The following PACRGL variants were observed in gnomAD, a reference collection of about 807,000 sequenced individuals.
PACRGL encodes the protein parkin coregulated like.
In PACRGL, 38 loss-of-function variants were observed where a neutral mutation model predicts 34.5. The observed-to-expected ratio is 1.10, with a 90% CI of 0.85 to 1.44. The LOEUF is 1.44. PACRGL is among the 40% of genes most tolerant of loss of function. The pLI is 0.00. For synonymous variants in PACRGL, 128 were observed against 100.1 expected (o/e 1.28, Z -1.66); for missense variants, 305 against 281.4 (o/e 1.08, Z -0.60).
intron 7 of PACRGL, among the ~76,000 whole-genome samples, chr4:20,720,033 AT>A: frequency 6.6e-6 from 1 of 152,258 alleles, no homozygotes; most frequent in Non-Finnish European, 1.5e-5. Context: ...GTGCATATAT[AT>A]TTAGGATAGT....
At chr4:20,757,912 C>A in the PACRGL span, among the ~76,000 whole-genome samples, 1 of 152,160 alleles carries the variant, frequency 6.6e-6, no homozygotes, top group Non-Finnish European at 1.5e-5. Flanking sequence ...CCTCTCTGTC[C>A]TGCAGCTAAT....
chr4:20,709,932 A>G, intron 5 of PACRGL, 159 bp downstream of exon 5: 1 of 560,600 alleles, frequency 1.8e-6, no homozygotes, highest in Non-Finnish European at 3.2e-6. Context: ...ATGAATTATG[A>G]TTCTTATATA....
At position 20,728,329 on chromosome 4, in the gene PACRGL, C is replaced by CAATT. The variant is rs1324111633; in HGVS notation, c.*991_*994dup. The stretch of plus-strand genomic sequence containing the variant: ...CTGATGTTCACTTAAAGATATTCAG[C>CAATT]AATTAAAATGTTAAAACTTGTACAT... On this transcript the variant is annotated 3_prime_UTR_variant, in exon 9 of 9. Transcript: ENST00000503585. 6.6e-6 allele frequency: 1 copy of CAATT among 152,114 alleles called. No homozygotes were observed. The highest frequency in any genetic ancestry group is 1.5e-5 in the Non-Finnish European group (1 of 68,022). The allele number at this position is 152,114 out of a possible 1,614,324, so 9.4% of individuals were successfully genotyped here. A position where few individuals can be genotyped will look rare whatever the true frequency, so the allele number is the denominator to read the frequency against.
downstream of PACRGL, chr4:20,752,980 T>A (rs999382916): frequency 6.6e-6 from 1 of 152,252 alleles, no homozygotes; most frequent in South Asian, 2.1e-4. Context: ...TCTCCGTCTA[T>A]GACCTCTTCG....
intron 8 of PACRGL, among the ~76,000 whole-genome samples, chr4:20,749,172 AT>A (rs1361803344): frequency 4.1e-5 from 6 of 147,072 alleles, no homozygotes; most frequent in African/African-American, 7.5e-5. Context: ...AAAAAAAAAA[AT>A]ACGTTCTCTA....
In PACRGL at chr4:20,700,458, A is replaced by G. The variant is rs1234831837; in HGVS notation, c.-346A>G. 2.0e-5 allele frequency: 3 copies of G among 151,848 alleles called. No individual in the cohort carries two copies. The highest frequency in any genetic ancestry group is 4.4e-5 in the Non-Finnish European group (3 of 68,010). 9.4% of individuals were successfully genotyped at this position (151,848 alleles called of 1,614,324 possible). A position where few individuals can be genotyped will look rare whatever the true frequency, so the allele number is the denominator to read the frequency against. On this transcript the variant is annotated 5_prime_UTR_variant, in exon 1 of 9. Coordinates refer to ENST00000503585, the MANE Select transcript of PACRGL (RefSeq NM_001258345.3). ...TCAGGGGCGGGCCGCGCGGAGCCTCATTTCCCCAAACGCAGGCGCTCGGTG... is the reference window on the plus strand; with the variant it reads ...TCAGGGGCGGGCCGCGCGGAGCCTCGTTTCCCCAAACGCAGGCGCTCGGTG...
rs1463236565 is a variant in PACRGL at position 20,727,572 on chromosome 4, A to ATTTTTATTATTTGTGCGAAGAACG, written c.*254_*255insGTTTTTATTATTTGTGCGAAGAAC. ...TACAATTTTGAGGTTTATTTTTTGTATTTTTATTATTTGTGCGAAGAACCA... is the reference window on the plus strand; with the variant it reads ...TACAATTTTGAGGTTTATTTTTTGTATTTTTATTATTTGTGCGAAGAACGTTTTTATTATTTGTGCGAAGAACCA... On this transcript the variant is annotated 3_prime_UTR_variant, in exon 9 of 9. Transcript: ENST00000503585. 4.4e-5 allele frequency: 17 copies of ATTTTTATTATTTGTGCGAAGAACG among 388,488 alleles called. No homozygotes were observed. Among genetic ancestry groups the ATTTTTATTATTTGTGCGAAGAACG allele is most frequent in the Non-Finnish European group, 7.0e-5 (15 of 215,826 alleles). 24.1% of individuals were successfully genotyped at this position (388,488 alleles called of 1,614,324 possible).
intron 7 of PACRGL, among the ~76,000 whole-genome samples, chr4:20,715,150 A>G (rs928370613): frequency 6.6e-6 from 1 of 152,222 alleles, no homozygotes; most frequent in Admixed American, 6.5e-5. Flanking sequence ...GGAAATCATC[A>G]TTCTCAGTAA....
chr4:20,720,119 TAA>T (rs1019718581), intron 7 of PACRGL, among the ~76,000 whole-genome samples: 3 of 152,290 alleles, frequency 2.0e-5, no homozygotes, highest in Admixed American at 1.3e-4. Context: ...TTTGTTGGTT[TAA>T]AGTCTTTTAT....
intron 7 of PACRGL, among the ~76,000 whole-genome samples, chr4:20,720,036 T>G (rs1268057850): frequency 6.6e-6 from 1 of 152,216 alleles, no homozygotes; most frequent in African/African-American, 2.4e-5. Context: ...CATATATATT[T>G]AGGATAGTTA....
chr4:20,721,166 T>G (rs1018288650), intron 7 of PACRGL, among the ~76,000 whole-genome samples: 1 of 152,220 alleles, frequency 6.6e-6, no homozygotes, highest in Non-Finnish European at 1.5e-5. Flanking sequence ...GCCATGGTGT[T>G]CAGCTCCATC....
rs575583823 is a variant in PACRGL at position 20,716,783 on chromosome 4, G to A, written c.609+3244G>A. On this transcript the variant is annotated intron_variant, in intron 7 of 8. Transcript: ENST00000503585. The stretch of plus-strand genomic sequence containing the variant: ...AGTCTTTGCTATTGTGAATAGTGCC[G>A]CAATAAACATACATGTGCATGTGTC... Among the ~76,000 whole-genome samples, 15 of 152,146 alleles carry A rather than the reference G, an allele frequency of 9.9e-5. No homozygotes were observed. The South Asian group carries it at 1.7e-3, about 17-fold the overall frequency.
At chr4:20,707,946 ATGTAT>A (rs1352555083) in intron 4 of PACRGL, 76 bp downstream of exon 4, 7 of 1,142,226 alleles carry the variant, frequency 6.1e-6, no homozygotes, top group African/African-American at 4.7e-5. Context: ...TTTAGTTTAA[ATGTAT>A]TGTAAGTTTT....
Position 20,727,304 on chromosome 4 carries a change from A to C in PACRGL, c.710A>C (p.Lys237Thr). ...HGGSGSLSII[K>T]SKIPTYCSIC... is the part of the protein sequence containing the mutation. ...TGACAGGGGAGCCTTAGCATCATCA[A>C]ATCTAAAATTCCAACATACTGCTCC... The change falls in exon 9 of 9, where the codon AAA (lysine) becomes ACA (threonine). Residue 237 changes from lysine (K) to threonine (T), a missense_variant. Physicochemically the swap from Lys to Thr is moderately conservative, Grantham distance 78. Transcript: ENST00000503585. The C allele has an allele frequency of 3.7e-6, 6 of 1,613,044 alleles. No homozygotes were observed. The highest frequency in any genetic ancestry group is 5.1e-6 in the Non-Finnish European group (6 of 1,179,252).
chr4:20,722,455 C>G (rs62410133), intron 7 of PACRGL, among the ~76,000 whole-genome samples: 25,411 of 152,210 alleles, frequency 0.17, 2,215 homozygotes, highest in Middle Eastern at 0.23. Context: ...TCCTATTCGG[C>G]CATCTTGGAA....
At chr4:20,736,255 A>C (rs1215050894), downstream of PACRGL, among the ~76,000 whole-genome samples, 2 of 152,188 alleles carry the variant, frequency 1.3e-5, no homozygotes, top group African/African-American at 4.8e-5. Context: ...TTTCCACTTA[A>C]GCATAAATCA....
rs766516716 is a variant in PACRGL at position 20,704,813 on chromosome 4, C to A, written c.206C>A (p.Pro69Gln). The A allele has an allele frequency of 1.5e-5, 24 of 1,613,776 alleles. No individual in the cohort carries two copies. The highest frequency in any genetic ancestry group is 2.0e-5 in the Non-Finnish European group (24 of 1,179,770). Reference sequence around the variant, plus strand: ...AAACTGAACCCTAAAACAATTAATCCGGTAGGTCCAAAACTATTCCTAACT... The same window carrying A: ...AAACTGAACCCTAAAACAATTAATCAGGTAGGTCCAAAACTATTCCTAACT... ...SDKLNPKTIN[P>Q]FGEQSRVPSA... is the part of the protein sequence containing the mutation. Residue 69 changes from proline to glutamine, a missense_variant and splice_region_variant, in exon 3 of 9, where the codon CCG becomes CAG. By Grantham distance (76) the Pro-to-Gln change is moderately conservative (BLOSUM62 -1). Coordinates refer to ENST00000503585, the MANE Select transcript of PACRGL (RefSeq NM_001258345.3).
chr4:20,750,144 C>G (rs1394897713), intron 8 of PACRGL, among the ~76,000 whole-genome samples: 2 of 152,182 alleles, frequency 1.3e-5, no homozygotes, highest in South Asian at 2.1e-4. Context: ...TTATTAGTGT[C>G]TCTGTCATTA....
chr4:20,717,039 G>C (rs1010679525), intron 7 of PACRGL, among the ~76,000 whole-genome samples: 4 of 152,192 alleles, frequency 2.6e-5, no homozygotes, highest in African/African-American at 9.7e-5. Flanking sequence ...ACTGGTGTGA[G>C]ATGGTATCTC....
Sources: allele counts gnomAD v4.1 joint callset (sites outside exome capture counted in the v4.1 genomes callset), GRCh38; gene constraint gnomAD v4.1.1; transcripts MANE v1.5; gene names NCBI Gene and HGNC (gene_info 2026-07-23, HGNC 2026-07-21).